The following GLIS3 variants were observed in gnomAD, a reference collection of about 807,000 sequenced individuals.
The protein encoded by GLIS3 is zinc finger protein GLIS3.
GLIS3 carries 53 observed loss-of-function variants against 78.6 expected under a neutral mutation model. The observed-to-expected ratio is 0.67, with a 90% CI of 0.54 to 0.85. GLIS3 has a LOEUF of 0.85. GLIS3 is among the 40% of genes least tolerant of loss of function. GLIS3 has a pLI of 0.00. For missense variants in GLIS3, 1,703 were observed against 1,231.1 expected (o/e 1.38, Z -5.74); for synonymous variants, 684 against 509.9 (o/e 1.34, Z -4.60).
intron 2 of GLIS3, among the ~76,000 whole-genome samples, chr9:4,230,769 C>G (rs897683934): frequency 2.0e-5 from 3 of 152,324 alleles, no homozygotes; most frequent in Admixed American, 1.3e-4. Flanking sequence ...GCAAATATCT[C>G]TCAAGTTCAA....
At chr9:4,483,670 A>C in the GLIS3 span, among the ~76,000 whole-genome samples, 2 of 150,544 alleles carry the variant, frequency 1.3e-5, no homozygotes, top group African/African-American at 4.9e-5. Context: ...CAGTGAGCCG[A>C]TATCATGCCA....
At chr9:4,018,366 A>C (rs1822606668) in intron 4 of GLIS3, among the ~76,000 whole-genome samples, 1 of 152,212 alleles carries the variant, frequency 6.6e-6, no homozygotes, top group African/African-American at 2.4e-5. Flanking sequence ...CTGTCCCCAG[A>C]ACCCACAGCT....
At chr9:4,231,827 T>A (rs544808524) in intron 2 of GLIS3, among the ~76,000 whole-genome samples, 1 of 152,192 alleles carries the variant, frequency 6.6e-6, no homozygotes, top group East Asian at 1.9e-4. Context: ...CAGACCCATA[T>A]GGGGAATATT....
chr9:4,366,466 C>T, the GLIS3 span, among the ~76,000 whole-genome samples: 3 of 152,120 alleles, frequency 2.0e-5, no homozygotes, highest in Middle Eastern at 3.2e-3. Flanking sequence ...AGATTTTTCC[C>T]GCCTGAGATG....
chr9:4,443,471 G>A, the GLIS3 span, among the ~76,000 whole-genome samples: 459 of 152,234 alleles, frequency 3.0e-3, 4 homozygotes, highest in African/African-American at 0.011. Flanking sequence ...TAAATTAGAA[G>A]TTGACTAGCA....
chr9:3,948,009 G>A (rs925868421), intron 4 of GLIS3, among the ~76,000 whole-genome samples: 3 of 152,168 alleles, frequency 2.0e-5, no homozygotes, highest in Non-Finnish European at 4.4e-5. Flanking sequence ...TCAAAACCTT[G>A]CATTAGCCCT....
the GLIS3 span, among the ~76,000 whole-genome samples, chr9:4,465,324 G>T: frequency 5.3e-4 from 80 of 152,362 alleles, no homozygotes; most frequent in African/African-American, 1.9e-3. Context: ...GAGGCAAGGG[G>T]ATCACCAGAG....
chr9:4,162,263 C>G (rs368414652), intron 2 of GLIS3, among the ~76,000 whole-genome samples: 3 of 152,052 alleles, frequency 2.0e-5, no homozygotes, highest in African/African-American at 7.2e-5. Flanking sequence ...CACTCTAATC[C>G]GGTATGACCT....
the GLIS3 span, among the ~76,000 whole-genome samples, chr9:4,419,965 TA>T: frequency 1.3e-5 from 2 of 152,150 alleles, no homozygotes; most frequent in Admixed American, 1.3e-4. Flanking sequence ...GACACAGAAT[TA>T]AACCGTATTA....
intron 2 of GLIS3, among the ~76,000 whole-genome samples, chr9:4,204,651 C>G (rs1190900304): frequency 1.3e-5 from 2 of 152,130 alleles, no homozygotes; most frequent in African/African-American, 4.8e-5. Context: ...GGCACAGTGG[C>G]TCACACCTGT....
At chr9:4,371,404 C>A in the GLIS3 span, among the ~76,000 whole-genome samples, 1 of 152,248 alleles carries the variant, frequency 6.6e-6, no homozygotes, top group Non-Finnish European at 1.5e-5. Flanking sequence ...GGCTCCTCCT[C>A]CCCATAAGTG....
At position 4,032,567 on chromosome 9, in the gene GLIS3, A is replaced by G. The variant is rs982121848; in HGVS notation, c.1710+85201T>C. On this transcript the variant is annotated intron_variant, in intron 4 of 10. Coordinates refer to ENST00000381971, the MANE Select transcript of GLIS3 (RefSeq NM_001042413.2). The stretch of plus-strand genomic sequence containing the variant: ...ACAAACTGAAGGCGTAGAGCTATAT[A>G]TCATGTAGCAGCCTAACAAATTTGA... 3.3e-5 allele frequency among the ~76,000 whole-genome samples: 5 copies of G among 152,242 alleles called. No homozygotes were observed. In the South Asian group the frequency reaches 1.0e-3, roughly 31 times the overall value.
intron 2 of GLIS3, among the ~76,000 whole-genome samples, chr9:4,239,834 C>T (rs887662737): frequency 3.3e-5 from 5 of 152,190 alleles, no homozygotes; most frequent in African/African-American, 4.8e-5. Context: ...TCATCTACCA[C>T]GGTCATTAGA....
intron 2 of GLIS3, among the ~76,000 whole-genome samples, chr9:4,231,521 A>G (rs185290337): frequency 6.6e-6 from 1 of 152,354 alleles, no homozygotes; most frequent in Non-Finnish European, 1.5e-5. Context: ...GTCCTTAGAT[A>G]GAAAGCATGA....
At chr9:4,339,416 G>A (rs1351474162) in intron 2 of GLIS3, among the ~76,000 whole-genome samples, 1 of 152,116 alleles carries the variant, frequency 6.6e-6, no homozygotes, top group Non-Finnish European at 1.5e-5. Context: ...TTAACTGAGA[G>A]TTTCGTCTTT....
the GLIS3 span, among the ~76,000 whole-genome samples, chr9:4,459,080 T>C: frequency 6.6e-5 from 10 of 152,174 alleles, no homozygotes; most frequent in Non-Finnish European, 1.3e-4. Context: ...ATCTGATTTA[T>C]GTTTTAGTAG....
chr9:4,443,240 G>C, the GLIS3 span, among the ~76,000 whole-genome samples: 1 of 152,182 alleles, frequency 6.6e-6, no homozygotes, highest in African/African-American at 2.4e-5. Flanking sequence ...CAGCAAGCCT[G>C]TAATTCCAGC....
In GLIS3 at chr9:4,225,132, C is replaced by T. The variant is rs548680937; in HGVS notation, c.388+60906G>A. On this transcript the variant is annotated intron_variant, in intron 2 of 10. Coordinates refer to ENST00000381971, the MANE Select transcript of GLIS3 (RefSeq NM_001042413.2). ...AGATAAGGAAAATGAGCCTCAGAGA[C>T]GTTAAGGAGCTTGCCTATATATACA... Among the ~76,000 whole-genome samples the T allele has an allele frequency of 3.3e-5, 5 of 151,664 alleles. No individual in the cohort carries two copies. The South Asian group carries it at 6.3e-4, about 19-fold the overall frequency.
At chr9:3,988,729 A>T (rs570630329) in intron 4 of GLIS3, among the ~76,000 whole-genome samples, 67 of 152,246 alleles carry the variant, frequency 4.4e-4, no homozygotes, top group Non-Finnish European at 1.6e-4. Flanking sequence ...AAGAATCTTG[A>T]CCTAAACCTC....
Sources: allele counts gnomAD v4.1 joint callset (sites outside exome capture counted in the v4.1 genomes callset), GRCh38; gene constraint gnomAD v4.1.1; transcripts MANE v1.5; gene names NCBI Gene and HGNC (gene_info 2026-07-23, HGNC 2026-07-21).